Variants in MSRA observed in about 807,000 individuals in gnomAD.
The protein encoded by MSRA is mitochondrial peptide methionine sulfoxide reductase.
MSRA carries 54 observed loss-of-function variants against 31.3 expected under a neutral mutation model. The observed-to-expected ratio is 1.73, with a 90% CI of 1.39 to 2.17. MSRA has a LOEUF of 2.17. Among genes scored for constraint, MSRA ranks in the 30% most tolerant of loss-of-function variants. The pLI, the probability that MSRA is intolerant of heterozygous loss-of-function variation, is 0.00. For synonymous variants in MSRA, 169 were observed against 116.5 expected (o/e 1.45, Z -2.90); for missense variants, 507 against 300.9 (o/e 1.69, Z -5.07).
chr8:10,162,338 C>A (rs1468769797), intron 1 of MSRA, among the ~76,000 whole-genome samples: 1 of 152,186 alleles, frequency 6.6e-6, no homozygotes, highest in Non-Finnish European at 1.5e-5. Flanking sequence ...TCTCTCCTTG[C>A]ACCATGGGAG....
intron 5 of MSRA, among the ~76,000 whole-genome samples, chr8:10,402,609 G>C (rs374967463): frequency 1.1e-4 from 17 of 152,194 alleles, no homozygotes; most frequent in Non-Finnish European, 1.8e-4. Context: ...CTGCTAGCTC[G>C]GGGAGAGGGA....
intron 1 of MSRA, among the ~76,000 whole-genome samples, chr8:10,145,340 A>C (rs1304703043): frequency 6.6e-6 from 1 of 152,214 alleles, no homozygotes; most frequent in Non-Finnish European, 1.5e-5. Flanking sequence ...GGAATAAGAC[A>C]TTTCGGTTAG....
intron 5 of MSRA, among the ~76,000 whole-genome samples, chr8:10,328,401 T>C (rs569697829): frequency 1.3e-5 from 2 of 151,892 alleles, no homozygotes; most frequent in South Asian, 2.1e-4. Flanking sequence ...CCAAAAGACA[T>C]CCCCACTGTG....
intron 5 of MSRA, among the ~76,000 whole-genome samples, chr8:10,418,840 C>CA (rs1808638547): frequency 1.2e-4 from 4 of 34,096 alleles, no homozygotes; most frequent in African/African-American, 3.5e-4. Context: ...AAAAAAAAAC[C>CA]AACAAAAAAA....
intron 5 of MSRA, among the ~76,000 whole-genome samples, chr8:10,403,588 G>A (rs533387925): frequency 5.3e-5 from 8 of 152,332 alleles, no homozygotes; most frequent in African/African-American, 9.6e-5. Context: ...CAGGTGTCCC[G>A]TGGGGAAAAG....
intron 1 of MSRA, among the ~76,000 whole-genome samples, chr8:10,170,344 A>G (rs1304211607): frequency 6.6e-6 from 1 of 152,200 alleles, no homozygotes; most frequent in Admixed American, 6.5e-5. Context: ...CTTATAAGAA[A>G]GGCCCCAGAG....
intron 5 of MSRA, among the ~76,000 whole-genome samples, chr8:10,392,628 G>T (rs1310302816): frequency 6.6e-6 from 1 of 151,430 alleles, no homozygotes; most frequent in Non-Finnish European, 1.5e-5. Flanking sequence ...ATGTCTTTAT[G>T]AAGACACCTC....
rs574153663 is a variant in MSRA at position 10,094,492 on chromosome 8, A to C, written c.142+39834A>C. Among the ~76,000 whole-genome samples the C allele has an allele frequency of 1.2e-4, 18 of 152,362 alleles. No homozygotes were observed. In the South Asian group the frequency reaches 2.9e-3, roughly 25 times the overall value. On this transcript the variant is annotated intron_variant, in intron 1 of 5. Transcript: ENST00000317173. The stretch of plus-strand genomic sequence containing the variant: ...CATAAACGTAGTAGTTTGGAAGCAA[A>C]GAATAGGAAGTCACTGATTTTCATA...
At chr8:10,344,489 G>A (rs1045225258) in intron 5 of MSRA, among the ~76,000 whole-genome samples, 9 of 145,258 alleles carry the variant, frequency 6.2e-5, no homozygotes, top group Admixed American at 5.1e-4. Context: ...CAGGAGAATC[G>A]CTTGAACCTG....
intron 5 of MSRA, among the ~76,000 whole-genome samples, chr8:10,345,089 T>G (rs901140121): frequency 6.6e-5 from 10 of 152,130 alleles, no homozygotes; most frequent in Non-Finnish European, 1.3e-4. Flanking sequence ...CTGGCCTGGG[T>G]TGGCTCTAGA....
At chr8:10,268,696 T>C (rs923384991) in intron 3 of MSRA, among the ~76,000 whole-genome samples, 1 of 152,240 alleles carries the variant, frequency 6.6e-6, no homozygotes, top group African/African-American at 2.4e-5. Context: ...ACGAGTTCTT[T>C]CCCCATCATG....
intron 1 of MSRA, among the ~76,000 whole-genome samples, chr8:10,125,689 G>A (rs868614661): frequency 2.6e-5 from 4 of 152,216 alleles, no homozygotes; most frequent in Non-Finnish European, 5.9e-5. Flanking sequence ...AAAGTCTCTC[G>A]TGAAAGTTTT....
chr8:10,411,382 T>G lies in MSRA; in HGVS notation c.544-16766T>G, dbSNP rs537115913. 2.6e-5 allele frequency: 4 copies of G among 152,358 alleles called. No homozygotes were observed. In the East Asian group the frequency reaches 7.7e-4, roughly 29 times the overall value. The allele number at this position is 152,358 out of a possible 1,614,324, so 9.4% of individuals were successfully genotyped here. Reference sequence around the variant, plus strand: ...TGTCTTGAGCTTCACTGCGTATTCTTAACCATGTGGAGCTGGGAGCTAACG... The same window carrying G: ...TGTCTTGAGCTTCACTGCGTATTCTGAACCATGTGGAGCTGGGAGCTAACG... On this transcript the variant is annotated intron_variant, in intron 5 of 5. Transcript: ENST00000317173.
intron 1 of MSRA, among the ~76,000 whole-genome samples, chr8:10,196,504 C>T (rs746997872): frequency 6.6e-5 from 10 of 151,150 alleles, no homozygotes; most frequent in Non-Finnish European, 1.5e-4. Context: ...GGAAGCGAGG[C>T]CCCTACACGT....
chr8:10,372,879 G>T (rs1805555768), intron 5 of MSRA, among the ~76,000 whole-genome samples: 3 of 152,224 alleles, frequency 2.0e-5, no homozygotes, highest in South Asian at 2.1e-4. Context: ...ACTTTGCTAA[G>T]TTGTTATTAC....
chr8:10,162,570 T>C (rs1354857875), intron 1 of MSRA, among the ~76,000 whole-genome samples: 1 of 152,044 alleles, frequency 6.6e-6, no homozygotes, highest in East Asian at 1.9e-4. Flanking sequence ...CAGTGGGGGC[T>C]ACCATGGGGG....
At chr8:10,184,160 T>C (rs1406862334) in intron 1 of MSRA, among the ~76,000 whole-genome samples, 2 of 151,794 alleles carry the variant, frequency 1.3e-5, no homozygotes, top group African/African-American at 4.8e-5. Context: ...GTAGACTTGA[T>C]AGTGGTGTTA....
At chr8:10,124,289 G>T (rs1359266530) in intron 1 of MSRA, among the ~76,000 whole-genome samples, 1 of 152,092 alleles carries the variant, frequency 6.6e-6, no homozygotes, top group Non-Finnish European at 1.5e-5. Context: ...TGGCAGGCGA[G>T]AGAGAGGCTG....
At chr8:10,261,216 CTATT>C (rs1394772597) in intron 3 of MSRA, among the ~76,000 whole-genome samples, 1 of 151,992 alleles carries the variant, frequency 6.6e-6, no homozygotes, top group Non-Finnish European at 1.5e-5. Flanking sequence ...CTTTAAGTTG[CTATT>C]TACTCAATAT....
Sources: allele counts gnomAD v4.1 joint callset (sites outside exome capture counted in the v4.1 genomes callset), GRCh38; gene constraint gnomAD v4.1.1; transcripts MANE v1.5; gene names NCBI Gene and HGNC (gene_info 2026-07-23, HGNC 2026-07-21).